The following RALGAPA2 variants were observed in gnomAD, a reference collection of about 807,000 sequenced individuals.
RALGAPA2 encodes the protein Ral GTPase activating protein catalytic subunit alpha 2.
Under a neutral mutation model 230.4 loss-of-function variants are expected in RALGAPA2, and 139 were observed. The observed-to-expected ratio is 0.60, with a 90% CI of 0.53 to 0.69. The LOEUF (loss-of-function observed/expected upper bound fraction) is 0.69, where lower values mean the gene tolerates loss of function less well. RALGAPA2 is among the 30% of genes least tolerant of loss of function. The pLI is 0.00. For synonymous variants in RALGAPA2, 847 were observed against 837.8 expected (o/e 1.01, Z -0.19); for missense variants, 2,163 against 2,276.0 (o/e 0.95, Z 1.01).
chr20:20,583,986 T>C (rs1469452598), intron 19 of RALGAPA2, among the ~76,000 whole-genome samples: 2 of 152,162 alleles, frequency 1.3e-5, no homozygotes, highest in Non-Finnish European at 2.9e-5. Context: ...GTCCTCTATT[T>C]ACTCACAAAG....
chr20:20,693,973 G>A lies in RALGAPA2; in HGVS notation c.107-13172C>T, dbSNP rs6075695. 9.9e-3 allele frequency among the ~76,000 whole-genome samples: 1,503 copies of A among 152,168 alleles called. 13 individuals are homozygous for A. Among genetic ancestry groups the A allele is most frequent in the Non-Finnish European group, 0.014 (933 of 67,994 alleles). The stretch of plus-strand genomic sequence containing the variant: ...ACAAAGGTTAGCGGGACATGGTGGC[G>A]TGTGCCTGTAGTCCCAACTACTTGG... On this transcript the variant is annotated intron_variant, in intron 1 of 39. Transcript: ENST00000202677.
intron 35 of RALGAPA2, among the ~76,000 whole-genome samples, chr20:20,500,242 C>G (rs779947403): frequency 2.0e-5 from 3 of 152,184 alleles, no homozygotes; most frequent in Non-Finnish European, 2.9e-5. Context: ...CATTGATTGA[C>G]TCTTCCTTTC....
intron 37 of RALGAPA2, among the ~76,000 whole-genome samples, chr20:20,418,263 A>G (rs1602311274): frequency 6.6e-6 from 1 of 152,238 alleles, no homozygotes; most frequent in East Asian, 1.9e-4. Flanking sequence ...CAGTACCATT[A>G]ATGATCAGGG....
rs747558492 is a variant in RALGAPA2 at position 20,505,497 on chromosome 20, C to T, written c.4966G>A (p.Glu1656Lys). ...THKIAVFYIAEGQEDKCSILS... is the reference protein window; with the variant it reads ...THKIAVFYIAKGQEDKCSILS... ...ATTGAACACTTGTCTTCTTGACCTT[C>T]AGCAATGTAAAACACTGCGATTTTG... The change falls in exon 34 of 40, where the codon GAA (glutamate) becomes AAA (lysine). Residue 1656 changes from glutamate to lysine, a missense_variant. Transcript: ENST00000202677. 8.1e-6 allele frequency: 13 copies of T among 1,605,260 alleles called. 1 individual carries two copies. The Admixed American group carries it at 1.7e-4, about 21-fold the overall frequency.
At chr20:20,549,829 T>G (rs1176042951) in intron 23 of RALGAPA2, among the ~76,000 whole-genome samples, 1 of 151,986 alleles carries the variant, frequency 6.6e-6, no homozygotes, top group South Asian at 2.1e-4. Flanking sequence ...ATAATAAAAA[T>G]CTGAAACCTT....
chr20:20,578,239 A>G (rs1445357926), intron 20 of RALGAPA2, among the ~76,000 whole-genome samples: 1 of 152,184 alleles, frequency 6.6e-6, no homozygotes, highest in African/African-American at 2.4e-5. Context: ...CGTAAGTGAC[A>G]GAACAGATGC....
chr20:20,433,515 G>A (rs2060540999), intron 37 of RALGAPA2, among the ~76,000 whole-genome samples: 1 of 152,166 alleles, frequency 6.6e-6, no homozygotes, highest in Admixed American at 6.5e-5. Context: ...TTGATGTAAG[G>A]TATCAATACA....
chr20:20,562,360 T>C (rs2064282874), intron 23 of RALGAPA2, among the ~76,000 whole-genome samples: 2 of 152,158 alleles, frequency 1.3e-5, no homozygotes, highest in Admixed American at 6.5e-5. Flanking sequence ...CAAAAGAACA[T>C]GTTCTCAACT....
Position 20,531,292 on chromosome 20 carries a change from A to AAG in RALGAPA2, c.3582+393_3582+394dup, listed in dbSNP as rs1350197368. Among the ~76,000 whole-genome samples the AAG allele has an allele frequency of 5.3e-5, 8 of 152,344 alleles. No homozygotes were observed. The East Asian group carries it at 1.5e-3, about 29-fold the overall frequency. ...AAACAAAGATGTCCTTAAAGTGCCC[A>AAG]AGATTCAGCCAGATGGTGAACACTG... On this transcript the variant is annotated intron_variant, in intron 27 of 39. Coordinates refer to ENST00000202677, the MANE Select transcript of RALGAPA2 (RefSeq NM_020343.4).
Position 20,659,693 on chromosome 20 carries a change from A to G in RALGAPA2, c.271-6106T>C, listed in dbSNP as rs966685830. On this transcript the variant is annotated intron_variant, in intron 3 of 39. Coordinates refer to ENST00000202677, the MANE Select transcript of RALGAPA2 (RefSeq NM_020343.4). ...TTATAATAAAATAATCTGAATGGCA[A>G]CAGCAGCAGCGAGAGGATGAACAAG... 7 of 441,256 alleles carry G rather than the reference A, an allele frequency of 1.6e-5. No homozygotes were observed. In the Admixed American group the frequency reaches 1.9e-4, roughly 12 times the overall value. The allele number at this position is 441,256 out of a possible 1,614,324, so 27.3% of individuals were successfully genotyped here. A position where few individuals can be genotyped will look rare whatever the true frequency, so the allele number is the denominator to read the frequency against.
chr20:20,536,251 C>T (rs2063495211), intron 25 of RALGAPA2, among the ~76,000 whole-genome samples: 1 of 152,132 alleles, frequency 6.6e-6, no homozygotes, highest in South Asian at 2.1e-4. Context: ...AATTTAGAAT[C>T]TCAAAGTATT....
intron 37 of RALGAPA2, among the ~76,000 whole-genome samples, chr20:20,451,157 T>G (rs1173364167): frequency 6.6e-6 from 1 of 152,210 alleles, no homozygotes; most frequent in Non-Finnish European, 1.5e-5. Context: ...GAGAGCATGC[T>G]TGAAAAATGG....
intron 15 of RALGAPA2, among the ~76,000 whole-genome samples, chr20:20,602,813 CGTGTGT>C (rs35087554): frequency 0.018 from 2,598 of 147,750 alleles, 89 homozygotes; most frequent in East Asian, 0.15. Context: ...GAATGGCAGG[CGTGTGT>C]GTGTGTGTGT....
intron 16 of RALGAPA2, among the ~76,000 whole-genome samples, chr20:20,593,155 G>A (rs975264625): frequency 2.0e-5 from 3 of 152,172 alleles, no homozygotes; most frequent in Non-Finnish European, 4.4e-5. Flanking sequence ...CGCCCACCTC[G>A]GCCTTCCAAA....
At position 20,589,382 on chromosome 20, in the gene RALGAPA2, AG is replaced by A. The variant is rs1189230924; in HGVS notation, c.2342-18del. ...CCTTTTGACCTAGAAATGGTGGGGC[AG>A]GGGGGTAGCGGAAATAGAAGGAATG... On this transcript the variant is annotated intron_variant, in intron 17 of 39. Transcript: ENST00000202677. 1 of 1,567,890 alleles carries A rather than the reference AG, an allele frequency of 6.4e-7. No individual in the cohort carries two copies. The highest frequency in any genetic ancestry group is 8.7e-7 in the Non-Finnish European group (1 of 1,154,346).
At chr20:20,690,291 G>A (rs2068856068) in intron 1 of RALGAPA2, among the ~76,000 whole-genome samples, 1 of 152,008 alleles carries the variant, frequency 6.6e-6, no homozygotes, top group Non-Finnish European at 1.5e-5. Context: ...CCAGAGTGAT[G>A]GGAGATCCTC....
chr20:20,556,633 T>C lies in RALGAPA2; in HGVS notation c.3157-9801A>G, dbSNP rs532860326. On this transcript the variant is annotated intron_variant, in intron 23 of 39. Transcript: ENST00000202677. ...TTATTAAATCCTCACAATGAGACTT[T>C]AGCAAATGAGGGCTTCAACAAGTTG... Among the ~76,000 whole-genome samples the C allele has an allele frequency of 5.1e-4, 77 of 152,308 alleles. 1 individual carries two copies. Among genetic ancestry groups the C allele is most frequent in the Non-Finnish European group, 3.8e-4 (26 of 68,030 alleles).
At chr20:20,451,988 C>T (rs1192946545) in intron 37 of RALGAPA2, among the ~76,000 whole-genome samples, 1 of 152,138 alleles carries the variant, frequency 6.6e-6, no homozygotes, top group African/African-American at 2.4e-5. Flanking sequence ...GCAGTAGTTT[C>T]TATGAAGCTT....
chr20:20,493,100 G>C (rs1441440152), intron 36 of RALGAPA2, among the ~76,000 whole-genome samples: 1 of 152,196 alleles, frequency 6.6e-6, no homozygotes, highest in African/African-American at 2.4e-5. Flanking sequence ...TCTGTAACCT[G>C]ATAGAGAGGA....
Sources: gnomAD v4.1 joint callset for allele counts (sites outside exome capture counted in the v4.1 genomes callset) on GRCh38, gnomAD v4.1.1 for gene constraint, MANE v1.5 for transcripts, NCBI Gene and HGNC (gene_info 2026-07-23, HGNC 2026-07-21) for gene names.